AKR1E2: variants seen among roughly 807,000 people sequenced by gnomAD.
The protein encoded by AKR1E2 is 1,5-anhydro-D-fructose reductase.
AKR1E2 carries 43 observed loss-of-function variants against 41.9 expected under a neutral mutation model. The ratio of observed to expected loss-of-function variants is 1.03; its 90% CI spans 0.80 to 1.32. The LOEUF is 1.32. Among genes scored for constraint, AKR1E2 ranks in the 40% most tolerant of loss-of-function variants. AKR1E2 has a pLI of 0.00. For missense variants in AKR1E2, 423 were observed against 396.5 expected (o/e 1.07, Z -0.57); for synonymous variants, 121 against 138.9 (o/e 0.87, Z 0.91).
At chr10:4,869,966 G>A in the AKR1E2 span, among the ~76,000 whole-genome samples, 2 of 151,976 alleles carry the variant, frequency 1.3e-5, no homozygotes, top group Admixed American at 1.3e-4. Context: ...AATATGGTCT[G>A]CTTGATTATG....
At chr10:4,826,199 T>C (rs924217690), upstream of AKR1E2, 5 of 665,874 alleles carry the variant, frequency 7.5e-6, no homozygotes, top group Non-Finnish European at 1.1e-5. Context: ...ATTGTCGGAG[T>C]GTCAGCCGTC....
intron 2 of AKR1E2, among the ~76,000 whole-genome samples, chr10:4,831,461 GGCA>G (rs1832964664): frequency 1.3e-5 from 2 of 152,328 alleles, no homozygotes; most frequent in South Asian, 2.1e-4. Flanking sequence ...GAGGAACAAA[GGCA>G]CGTCTTACAT....
chr10:4,825,608 A>T (rs1832416406), upstream of AKR1E2, among the ~76,000 whole-genome samples: 1 of 152,170 alleles, frequency 6.6e-6, no homozygotes, highest in Non-Finnish European at 1.5e-5. Flanking sequence ...CAGGGAGTGG[A>T]AGGCATTTTC....
chr10:4,868,967 AT>A, the AKR1E2 span, among the ~76,000 whole-genome samples: 1 of 151,942 alleles, frequency 6.6e-6, no homozygotes, highest in Non-Finnish European at 1.5e-5. Flanking sequence ...TCACATCTAT[AT>A]TTTTGAGAGA....
rs756130970 is a variant in AKR1E2 at position 4,847,507 on chromosome 10, T to C, written c.940T>C (p.Tyr314His). Residue 314 changes from tyrosine (Y) to histidine (H), a missense_variant, in exon 10 of 10, where the codon TAT becomes CAT. By Grantham distance (83) the Tyr-to-His change is moderately conservative. Coordinates refer to ENST00000298375, the MANE Select transcript of AKR1E2 (RefSeq NM_001040177.3). ...MFPITKNHKD[Y>H]PFHIEY is the part of the protein sequence containing the mutation. ...TTTCAGAACTAAAAATCACAAAGACTATCCTTTCCACATAGAATACTGAGG... is the reference window on the plus strand; with the variant it reads ...TTTCAGAACTAAAAATCACAAAGACCATCCTTTCCACATAGAATACTGAGG... 6.2e-7 allele frequency: 1 copy of C among 1,613,756 alleles called. No individual in the cohort carries two copies. Among genetic ancestry groups the C allele is most frequent in the South Asian group, 1.1e-5 (1 of 90,904 alleles).
the AKR1E2 span, among the ~76,000 whole-genome samples, chr10:4,864,194 T>C: frequency 0.9 from 136,524 of 152,032 alleles, 62,107 homozygotes; most frequent in East Asian, 0.98. Flanking sequence ...CTGATGAAAT[T>C]GACGCAAAAA....
At chr10:4,835,105 T>G (rs1833297412) in intron 3 of AKR1E2, among the ~76,000 whole-genome samples, 2 of 152,248 alleles carry the variant, frequency 1.3e-5, no homozygotes, top group Admixed American at 6.5e-5. Flanking sequence ...CATTCACCCT[T>G]AACATGCTAC....
chr10:4,825,190 G>A (rs1832381467), upstream of AKR1E2, among the ~76,000 whole-genome samples: 1 of 152,212 alleles, frequency 6.6e-6, no homozygotes, highest in African/African-American at 2.4e-5. Flanking sequence ...GACCCTGGGA[G>A]TTTCTCTGGC....
intron 3 of AKR1E2, among the ~76,000 whole-genome samples, chr10:4,835,258 A>C (rs559201549): frequency 6.6e-6 from 1 of 152,318 alleles, no homozygotes; most frequent in Non-Finnish European, 1.5e-5. Context: ...ACCTGTCATC[A>C]TGATGGGGAT....
At chr10:4,868,316 T>C in the AKR1E2 span, among the ~76,000 whole-genome samples, 1 of 152,158 alleles carries the variant, frequency 6.6e-6, no homozygotes, top group South Asian at 2.1e-4. Context: ...GTCTCTTTGC[T>C]CCACAGAGTT....
At position 4,847,885 on chromosome 10, in the gene AKR1E2, A is replaced by G; in HGVS notation, c.*355A>G. ...GTAATGTGTCTCTGCCCCATTGCGC[A>G]GCTCCACCCATTGTGCCCCAGGCCA... On this transcript the variant is annotated 3_prime_UTR_variant, in exon 10 of 10. Coordinates refer to ENST00000298375, the MANE Select transcript of AKR1E2 (RefSeq NM_001040177.3). The G allele has an allele frequency of 4.6e-6, 1 of 218,734 alleles. No homozygotes were observed. The allele number at this position is 218,734 out of a possible 1,614,324, so 13.5% of individuals were successfully genotyped here. A position where few individuals can be genotyped will look rare whatever the true frequency, so the allele number is the denominator to read the frequency against.
chr10:4,825,216 G>C (rs1262763499), upstream of AKR1E2, among the ~76,000 whole-genome samples: 1 of 152,184 alleles, frequency 6.6e-6, no homozygotes, highest in African/African-American at 2.4e-5. Flanking sequence ...CCGCCCCATT[G>C]AGCAGAATGG....
At chr10:4,848,450 T>G (rs1414722367), downstream of AKR1E2, among the ~76,000 whole-genome samples, 1 of 152,238 alleles carries the variant, frequency 6.6e-6, no homozygotes, top group Non-Finnish European at 1.5e-5. Flanking sequence ...GTCTTTGCTG[T>G]CTGCTCAGTG....
At chr10:4,838,227 C>T (rs1833590675) in intron 5 of AKR1E2, among the ~76,000 whole-genome samples, 1 of 152,224 alleles carries the variant, frequency 6.6e-6, no homozygotes, top group Admixed American at 6.5e-5. Flanking sequence ...CCTGTAACCC[C>T]TGCCGAGCAC....
rs75589167 is a variant in AKR1E2, at chr10:4,835,642, G to T, written c.325-33G>T. The T allele has an allele frequency of 1.2e-4, 171 of 1,476,730 alleles. No homozygotes were observed. The African/African-American group carries it at 1.5e-3, about 13-fold the overall frequency. 91.5% of individuals were successfully genotyped at this position (1,476,730 alleles called of 1,614,324 possible). A position where few individuals can be genotyped will look rare whatever the true frequency, so the allele number is the denominator to read the frequency against. On this transcript the variant is annotated intron_variant, in intron 3 of 9. Coordinates refer to ENST00000298375, the MANE Select transcript of AKR1E2 (RefSeq NM_001040177.3). ...GGTTTTTTTTGTTTTGTTTTGTTTT[G>T]TTTTCACACATCTCAACTCTCCTTC...
At chr10:4,872,339 T>G in the AKR1E2 span, among the ~76,000 whole-genome samples, 1 of 152,200 alleles carries the variant, frequency 6.6e-6, no homozygotes, top group East Asian at 1.9e-4. Flanking sequence ...GGTGATAAAA[T>G]TATTACTGTT....
the AKR1E2 span, among the ~76,000 whole-genome samples, chr10:4,854,093 T>TG: frequency 6.4e-5 from 9 of 140,140 alleles, no homozygotes; most frequent in South Asian, 1.3e-3. Flanking sequence ...CTGTTTTTTT[T>TG]TTTTTTTTTT....
At position 4,826,258 on chromosome 10, in the gene AKR1E2, A is replaced by C. The variant is rs368225974; in HGVS notation, c.-67A>C. 33 of 1,202,640 alleles carry C rather than the reference A, an allele frequency of 2.7e-5. No individual in the cohort carries two copies. In the South Asian group the frequency reaches 5.0e-4, roughly 18 times the overall value. 74.5% of individuals were successfully genotyped at this position (1,202,640 alleles called of 1,614,324 possible). A position where few individuals can be genotyped will look rare whatever the true frequency, so the allele number is the denominator to read the frequency against. On this transcript the variant is annotated 5_prime_UTR_variant, in exon 1 of 10. Transcript: ENST00000298375. ...AACGGCGGGTCGCCAGCGCCGCAGT[A>C]GCTCGCGCGGTGCCTGTCGGTAGTC... is the stretch of plus-strand genomic sequence containing the variant.
rs146293336 is a variant in AKR1E2 at position 4,834,447 on chromosome 10, G to C, written c.324+981G>C. On this transcript the variant is annotated intron_variant, in intron 3 of 9. Transcript: ENST00000298375. ...AAAACCAGAGTGATGTCTGTGCCTT[G>C]AAATTCATTGCATGCAGAAAATCAT... Among the ~76,000 whole-genome samples the C allele has an allele frequency of 5.1e-4, 78 of 152,328 alleles. 1 individual carries two copies. Among genetic ancestry groups the C allele is most frequent in the African/African-American group, 1.8e-3 (76 of 41,560 alleles).
Sources: allele counts gnomAD v4.1 joint callset (sites outside exome capture counted in the v4.1 genomes callset), GRCh38; gene constraint gnomAD v4.1.1; transcripts MANE v1.5; gene names NCBI Gene and HGNC (gene_info 2026-07-23, HGNC 2026-07-21).